Variants in CNPY1 observed in about 807,000 individuals in gnomAD.
CNPY1 encodes canopy FGF signaling regulator 1.
CNPY1 carries 14 observed loss-of-function variants against 14.4 expected under a neutral mutation model. That is an observed-to-expected ratio of 0.97 (90% CI 0.64 to 1.52). The LOEUF (loss-of-function observed/expected upper bound fraction) is 1.52, where lower values mean the gene tolerates loss of function less well. Among genes scored for constraint, CNPY1 ranks in the 40% most tolerant of loss-of-function variants. CNPY1 has a pLI of 0.00. For synonymous variants in CNPY1, 43 were observed against 46.5 expected, an observed-to-expected ratio of 0.92 and a Z score of 0.31; for missense variants, 129 against 131.5, an observed-to-expected ratio of 0.98 and a Z score of 0.09.
intron 2 of CNPY1, among the ~76,000 whole-genome samples, chr7:155,524,708 A>G (rs1796787618): frequency 6.6e-6 from 1 of 152,238 alleles, no homozygotes. Flanking sequence ...ATTTCTTTAT[A>G]TATTACAATG....
intron 2 of CNPY1, among the ~76,000 whole-genome samples, chr7:155,517,254 C>T (rs921490226): frequency 2.6e-5 from 4 of 152,058 alleles, no homozygotes; most frequent in East Asian, 1.9e-4. Flanking sequence ...ATTAGGAAAC[C>T]GACACGCACA....
intron 2 of CNPY1, among the ~76,000 whole-genome samples, chr7:155,538,783 G>T (rs1023585174): frequency 6.6e-6 from 1 of 152,064 alleles, no homozygotes; most frequent in African/African-American, 2.4e-5. Context: ...GCTGACTCGC[G>T]CCCCCTCCTA....
chr7:155,539,603 CT>C (rs770182147), intron 2 of CNPY1, among the ~76,000 whole-genome samples: 2 of 152,168 alleles, frequency 1.3e-5, no homozygotes, highest in Admixed American at 6.5e-5. Context: ...TGGGGTAGCT[CT>C]GTCAATAGTG....
intron 1 of CNPY1, among the ~76,000 whole-genome samples, chr7:155,546,164 T>C (rs1237919226): frequency 1.3e-5 from 2 of 151,088 alleles, no homozygotes; most frequent in Non-Finnish European, 1.5e-5. Context: ...CAAAACCATA[T>C]ACAATTTACT....
At chr7:155,527,375 A>C (rs540294311) in intron 2 of CNPY1, among the ~76,000 whole-genome samples, 12 of 148,610 alleles carry the variant, frequency 8.1e-5, no homozygotes, top group African/African-American at 3.0e-4. Flanking sequence ...GGAGGTAGAC[A>C]TGCGTCTTTT....
intron 2 of CNPY1, among the ~76,000 whole-genome samples, chr7:155,519,777 G>A (rs1264546096): frequency 1.3e-5 from 2 of 152,106 alleles, no homozygotes; most frequent in Admixed American, 6.5e-5. Context: ...ACAAATCAAA[G>A]TGTCTCTTTC....
chr7:155,504,941 T>A (rs934589864), intron 4 of CNPY1, among the ~76,000 whole-genome samples: 1 of 152,194 alleles, frequency 6.6e-6, no homozygotes, highest in Non-Finnish European at 1.5e-5. Context: ...TCTGAAACCA[T>A]CCCAATGTGT....
chr7:155,528,873 A>T (rs112732639), intron 2 of CNPY1, among the ~76,000 whole-genome samples: 1 of 152,270 alleles, frequency 6.6e-6, no homozygotes, highest in East Asian at 1.9e-4. Context: ...ATCCTGGCTA[A>T]CATGATGAAA....
rs184802006 is a variant in CNPY1 at position 155,526,790 on chromosome 7, C to A, written c.100-17693G>T. Among the ~76,000 whole-genome samples, 166 of 152,314 alleles carry A rather than the reference C, an allele frequency of 1.1e-3. 2 individuals are homozygous for A. Among genetic ancestry groups the A allele is most frequent in the Admixed American group, 9.5e-3 (146 of 15,300 alleles). The stretch of plus-strand genomic sequence containing the variant: ...GCTGGCTGGAATATCCATGCTGCAG[C>A]CTGCAGAGAAGCAGTCCAACAACAT... On this transcript the variant is annotated intron_variant, in intron 2 of 4. Coordinates refer to ENST00000636446, the MANE Select transcript of CNPY1 (RefSeq NM_001393663.1).
At chr7:155,545,200 G>C (rs966661703) in intron 2 of CNPY1, among the ~76,000 whole-genome samples, 3 of 152,196 alleles carry the variant, frequency 2.0e-5, no homozygotes, top group Non-Finnish European at 4.4e-5. Context: ...ATTTCTCTTA[G>C]AATGATGCTG....
At chr7:155,507,470 C>CAAAA (rs1796360401) in intron 3 of CNPY1, among the ~76,000 whole-genome samples, 4 of 5,494 alleles carry the variant, frequency 7.3e-4, no homozygotes, top group African/African-American at 2.2e-3. Context: ...GGTTTTTAAA[C>CAAAA]TAAAAAAAAA....
At chr7:155,512,791 G>A (rs1261141736) in intron 2 of CNPY1, among the ~76,000 whole-genome samples, 1 of 152,116 alleles carries the variant, frequency 6.6e-6, no homozygotes, top group East Asian at 1.9e-4. Context: ...CATCTTTATC[G>A]TTATTTTGGA....
chr7:155,542,125 C>G (rs1033851606), intron 2 of CNPY1, among the ~76,000 whole-genome samples: 13 of 152,148 alleles, frequency 8.5e-5, no homozygotes, highest in African/African-American at 3.1e-4. Context: ...GGAGTATTCA[C>G]AACCCCTGCT....
intron 3 of CNPY1, among the ~76,000 whole-genome samples, chr7:155,507,495 A>AAAAAAAAAAAAAAAAAAAAAC (rs1796365274): frequency 6.7e-6 from 1 of 148,384 alleles, no homozygotes; most frequent in African/African-American, 2.5e-5. Flanking sequence ...AAAAAAAAAA[A>AAAAAAAAAAAAAAAAAAAAAC]AAAAGAAGAC....
chr7:155,541,613 T>A (rs963108691), intron 2 of CNPY1, among the ~76,000 whole-genome samples: 1 of 152,242 alleles, frequency 6.6e-6, no homozygotes, highest in African/African-American at 2.4e-5. Flanking sequence ...CAACCGGGCC[T>A]GGCTTGGAGG....
intron 2 of CNPY1, among the ~76,000 whole-genome samples, chr7:155,532,490 G>GGCA (rs1796956189): frequency 2.6e-5 from 4 of 152,054 alleles, no homozygotes; most frequent in South Asian, 2.1e-4. Flanking sequence ...GCACGGTGGT[G>GGCA]GGCGCCTGTA....
chr7:155,532,587 C>T (rs745523819), intron 2 of CNPY1, among the ~76,000 whole-genome samples: 1 of 152,074 alleles, frequency 6.6e-6, no homozygotes, highest in Non-Finnish European at 1.5e-5. Context: ...CGCCACTGCA[C>T]TCCAGCCTGG....
chr7:155,533,266 G>C (rs1306606035), intron 2 of CNPY1, among the ~76,000 whole-genome samples: 1 of 152,188 alleles, frequency 6.6e-6, no homozygotes, highest in African/African-American at 2.4e-5. Flanking sequence ...GGCACCTCTC[G>C]TTCGGGGTCT....
At chr7:155,530,959 G>A (rs907412111) in intron 2 of CNPY1, among the ~76,000 whole-genome samples, 3 of 152,228 alleles carry the variant, frequency 2.0e-5, no homozygotes, top group African/African-American at 7.2e-5. Flanking sequence ...TAGAACCTAG[G>A]TCCAAAAGTA....
Sources: gnomAD v4.1 joint callset for allele counts (sites outside exome capture counted in the v4.1 genomes callset) on GRCh38, gnomAD v4.1.1 for gene constraint, MANE v1.5 for transcripts, NCBI Gene and HGNC (gene_info 2026-07-23, HGNC 2026-07-21) for gene names.